Variants in POU2F2 observed in about 807,000 individuals in gnomAD.
POU2F2 encodes POU class 2 homeobox 2.
In POU2F2, 14 loss-of-function variants were observed where a neutral mutation model predicts 63.5. That is an observed-to-expected ratio of 0.22 (90% CI 0.15 to 0.34). The LOEUF is 0.34. Ranked by LOEUF, POU2F2 falls within the 10% of genes least tolerant of loss-of-function variation. The probability of loss-of-function intolerance (pLI) is 1.00; values close to 1 mark genes in which losing one functional copy is unlikely to be tolerated. For synonymous variants in POU2F2, 306 were observed against 348.6 expected, an observed-to-expected ratio of 0.88 and a Z score of 1.36; for missense variants, 607 against 815.2, an observed-to-expected ratio of 0.74 and a Z score of 3.11.
At chr19:42,158,502 C>T (rs1274111094) in intron 2 of POU2F2, among the ~76,000 whole-genome samples, 1 of 152,244 alleles carries the variant, frequency 6.6e-6, no homozygotes, top group Admixed American at 6.5e-5. Context: ...TGCCTTCACG[C>T]TCTGTGCCTC....
In POU2F2 at chr19:42,162,509, C is replaced by T. The variant is rs1178013158; in HGVS notation, c.-69-2117G>A. Reference sequence around the variant, plus strand: ...TTACCAGGCACAGGAAGAGTGGGAGCCAGAATTTGAACCTGATGTGTCTGA... The same window carrying T: ...TTACCAGGCACAGGAAGAGTGGGAGTCAGAATTTGAACCTGATGTGTCTGA... On this transcript the variant is annotated intron_variant, in intron 1 of 6. Coordinates refer to the POU2F2 transcript ENST00000524801. The surrounding 1 kb of genome is among the most constrained non-coding windows in gnomAD (Gnocchi z 4.1). Among the ~76,000 whole-genome samples the T allele has an allele frequency of 6.6e-6, 1 of 152,098 alleles. No individual in the cohort carries two copies. Among genetic ancestry groups the T allele is most frequent in the Non-Finnish European group, 1.5e-5 (1 of 68,008 alleles).
upstream of POU2F2, among the ~76,000 whole-genome samples, chr19:42,196,762 A>AGGGAGGCTCTGGAGGC (rs1169698506): frequency 6.6e-6 from 1 of 152,392 alleles, no homozygotes; most frequent in East Asian, 1.9e-4. Context: ...GCATGCGCTC[A>AGGGAGGCTCTGGAGGC]GGGAGGCTCT....
rs556952950 is a variant in POU2F2, at chr19:42,122,174, T to C, written c.138A>G (p.Gln46=). The change falls in exon 4 of 15, where the codon CAA becomes CAG. Residue 46 remains glutamine, a synonymous_variant. Coordinates refer to ENST00000692977, the MANE Select transcript of POU2F2 (RefSeq NM_001394376.1). ...NGPDTNHQNP[Q]NKTSPFSVSP... is the part of the protein sequence containing the mutation. ...ACACGGAGAATGGGGAGGTCTTATT[T>C]TGGGGGTTCTGCAAAGAGAAAGTAG... 1 of 1,613,124 alleles carries C rather than the reference T, an allele frequency of 6.2e-7. No individual in the cohort carries two copies. The highest frequency in any genetic ancestry group is 1.1e-5 in the South Asian group (1 of 91,040).
chr19:42,091,175 C>T lies in POU2F2; in HGVS notation c.*82G>A. 3 of 1,362,212 alleles carry T rather than the reference C, an allele frequency of 2.2e-6. No individual in the cohort carries two copies. Among genetic ancestry groups the T allele is most frequent in the Non-Finnish European group, 2.9e-6 (3 of 1,027,702 alleles). The allele number at this position is 1,362,212 out of a possible 1,614,324, so 84.4% of individuals were successfully genotyped here. On this transcript the variant is annotated 3_prime_UTR_variant, in exon 15 of 15. Coordinates refer to ENST00000692977, the MANE Select transcript of POU2F2 (RefSeq NM_001394376.1). ...CTGCTCTGAGGACCCTCTGCGTCCC[C>T]ACCACTGGCCTCCTCGCCCTCTTCC...
At chr19:42,165,321 A>G (rs1424894243) in intron 1 of POU2F2, among the ~76,000 whole-genome samples, 1 of 152,222 alleles carries the variant, frequency 6.6e-6, no homozygotes, top group East Asian at 1.9e-4. Context: ...GGGTAGTACC[A>G]AGCCAAATAC....
In POU2F2 at chr19:42,088,063, T is replaced by C. The variant is rs1413280395; in HGVS notation, c.*3194A>G. 2.0e-5 allele frequency: 3 copies of C among 151,936 alleles called. No individual in the cohort carries two copies. Among genetic ancestry groups the C allele is most frequent in the Non-Finnish European group, 4.4e-5 (3 of 67,990 alleles). The allele number at this position is 151,936 out of a possible 1,614,324, so 9.4% of individuals were successfully genotyped here. On this transcript the variant is annotated 3_prime_UTR_variant, in exon 15 of 15. Transcript: ENST00000692977. Reference sequence around the variant, plus strand: ...CCTGGCTGGCCCCCAGCCAACGATATTTGGTTTCCTTTTTTTAACATTAAA... The same window carrying C: ...CCTGGCTGGCCCCCAGCCAACGATACTTGGTTTCCTTTTTTTAACATTAAA...
In POU2F2 at chr19:42,152,177, C is replaced by T. The variant is rs1179773394; in HGVS notation, c.-9+8155G>A. ...CTGAGGCAATGAACAGCTGTGAGCC[C>T]CCATGCCCACAGGGATATGGAGCCT... On this transcript the variant is annotated intron_variant, in intron 2 of 6. Transcript: ENST00000524801. The surrounding 1 kb of genome is among the most constrained non-coding windows in gnomAD (Gnocchi z 4.1). 6.6e-6 allele frequency among the ~76,000 whole-genome samples: 1 copy of T among 152,120 alleles called. No individual in the cohort carries two copies. The highest frequency in any genetic ancestry group is 2.4e-5 in the African/African-American group (1 of 41,410).
chr19:42,110,374 C>T (rs753910246), intron 5 of POU2F2, among the ~76,000 whole-genome samples: 11 of 152,298 alleles, frequency 7.2e-5, no homozygotes, highest in South Asian at 2.1e-4. Flanking sequence ...GGTGGTGGGA[C>T]GCACTGCCTG....
chr19:42,118,281 A>G (rs2032175315), intron 4 of POU2F2, among the ~76,000 whole-genome samples: 3 of 152,184 alleles, frequency 2.0e-5, no homozygotes, highest in Admixed American at 6.6e-5. Context: ...AAAGGTTTTC[A>G]GGTACTAAGA....
Position 42,117,374 on chromosome 19 carries a change from GGA to G in POU2F2, c.243_244del (p.Gln84AspfsTer4). The G allele has an allele frequency of 6.6e-7, 1 of 1,522,448 alleles. No homozygotes were observed. Among genetic ancestry groups the G allele is most frequent in the Non-Finnish European group, 8.8e-7 (1 of 1,139,396 alleles). 94.3% of individuals were successfully genotyped at this position (1,522,448 alleles called of 1,614,324 possible). On this transcript the variant is annotated frameshift_variant, in exon 5 of 15. Coordinates refer to ENST00000692977, the MANE Select transcript of POU2F2 (RefSeq NM_001394376.1). LOFTEE classifies it high-confidence loss of function. This position sits in a 1 kb window ranked among gnomAD's most constrained non-coding sequence, Gnocchi z 4.4. ...GGGGTCTTCAGCCTTGATCTGGGGGGGAGAGAGGCAGGGTCCGGGACCCCAGA... is the reference window on the plus strand; with the variant it reads ...GGGGTCTTCAGCCTTGATCTGGGGGGGAGAGGCAGGGTCCGGGACCCCAGA...
At chr19:42,120,732 G>A (rs1254495650) in intron 4 of POU2F2, among the ~76,000 whole-genome samples, 2 of 152,168 alleles carry the variant, frequency 1.3e-5, no homozygotes, top group Admixed American at 1.3e-4. Context: ...CAGTTCATGA[G>A]TTGGTAATTG....
In POU2F2 at chr19:42,090,993, T is replaced by G; in HGVS notation, c.*264A>C. On this transcript the variant is annotated 3_prime_UTR_variant, in exon 15 of 15. Coordinates refer to ENST00000692977, the MANE Select transcript of POU2F2 (RefSeq NM_001394376.1). The surrounding 1 kb of genome is among the most constrained non-coding windows in gnomAD (Gnocchi z 4.4). ...GGGTTTTTTTTTTTTTTGGTTTGTT[T>G]TTGGTTTTTTTTTGTTTGTTTTTCA... is the stretch of plus-strand genomic sequence containing the variant. 1 of 318,074 alleles carries G rather than the reference T, an allele frequency of 3.1e-6. No homozygotes were observed. The highest frequency in any genetic ancestry group is 5.0e-5 in the East Asian group (1 of 20,148). 19.7% of individuals were successfully genotyped at this position (318,074 alleles called of 1,614,324 possible).
Position 42,093,904 on chromosome 19 carries a change from A to G in POU2F2, c.1198-9T>C. On this transcript the variant is annotated splice_polypyrimidine_tract_variant and intron_variant, in intron 11 of 14. Coordinates refer to ENST00000692977, the MANE Select transcript of POU2F2 (RefSeq NM_001394376.1). Reference sequence around the variant, plus strand: ...CCCCCTTGGGGTGTGACCTGAGGAGAGAAGAAAGGAGGTGTGGTTAGCCAC... The same window carrying G: ...CCCCCTTGGGGTGTGACCTGAGGAGGGAAGAAAGGAGGTGTGGTTAGCCAC... 1 of 1,605,348 alleles carries G rather than the reference A, an allele frequency of 6.2e-7. No homozygotes were observed. The highest frequency in any genetic ancestry group is 8.5e-7 in the Non-Finnish European group (1 of 1,173,498).
chr19:42,116,890 G>A, intron 5 of POU2F2: 1 of 477,958 alleles, frequency 2.1e-6, no homozygotes, highest in Non-Finnish European at 4.1e-6. Context: ...GGCGGCGGCG[G>A]CGGCAGCGGC....
In POU2F2 at chr19:42,092,359, C is replaced by T. The variant is rs1159674398; in HGVS notation, c.1265-89G>A. On this transcript the variant is annotated intron_variant, in intron 12 of 14. Coordinates refer to ENST00000692977, the MANE Select transcript of POU2F2 (RefSeq NM_001394376.1). The surrounding 1 kb of genome is among the most constrained non-coding windows in gnomAD (Gnocchi z 5.0). ...GGGTCAGCTCCTACTTGTCCTCCCG[C>T]CCAGCTCACGCAGCATCTCCTCAGT... is the stretch of plus-strand genomic sequence containing the variant. The T allele has an allele frequency of 2.8e-5, 28 of 1,002,750 alleles. No homozygotes were observed. The highest frequency in any genetic ancestry group is 4.0e-5 in the Non-Finnish European group (26 of 649,882). The allele number at this position is 1,002,750 out of a possible 1,614,324, so 62.1% of individuals were successfully genotyped here. A position where few individuals can be genotyped will look rare whatever the true frequency, so the allele number is the denominator to read the frequency against.
chr19:42,127,673 G>T (rs554544845), intron 1 of POU2F2, among the ~76,000 whole-genome samples: 1 of 152,040 alleles, frequency 6.6e-6, no homozygotes, highest in South Asian at 2.1e-4. Flanking sequence ...GAGCCACCAC[G>T]CCCGGCCATA....
At position 42,090,973 on chromosome 19, in the gene POU2F2, T is replaced by G. The variant is rs543033652; in HGVS notation, c.*284A>C. ...TTTGGTTTGTTTGATTTTGTGGGTT[T>G]TTTTTTTTTTTGGTTTGTTTTTGGT... is the stretch of plus-strand genomic sequence containing the variant. On this transcript the variant is annotated 3_prime_UTR_variant, in exon 15 of 15. Coordinates refer to ENST00000692977, the MANE Select transcript of POU2F2 (RefSeq NM_001394376.1). The surrounding 1 kb of genome is among the most constrained non-coding windows in gnomAD (Gnocchi z 4.4). The G allele has an allele frequency of 4.2e-5, 11 of 262,806 alleles. No homozygotes were observed. The South Asian group carries it at 1.2e-3, about 28-fold the overall frequency. The allele number at this position is 262,806 out of a possible 1,614,324, so 16.3% of individuals were successfully genotyped here.
At chr19:42,189,937 A>C (rs571487432) in intron 1 of POU2F2, among the ~76,000 whole-genome samples, 1 of 152,226 alleles carries the variant, frequency 6.6e-6, no homozygotes, top group African/African-American at 2.4e-5. Context: ...TATGTTGCCC[A>C]TTCTGGTCTT....
chr19:42,143,668 C>A (rs1016326853), intron 2 of POU2F2, among the ~76,000 whole-genome samples: 1 of 152,142 alleles, frequency 6.6e-6, no homozygotes, highest in Non-Finnish European at 1.5e-5. Context: ...TCTCTCCCCA[C>A]CCCCTTCACT....
Sources: gnomAD v4.1 joint callset for allele counts (sites outside exome capture counted in the v4.1 genomes callset) on GRCh38, gnomAD v4.1.1 for gene constraint, Gnocchi (gnomAD v3.1) non-coding constraint, MANE v1.5 for transcripts, NCBI Gene and HGNC (gene_info 2026-07-23, HGNC 2026-07-21) for gene names.